The following LINGO2 variants were observed in gnomAD, a reference collection of about 807,000 sequenced individuals.
The protein encoded by LINGO2 is leucine rich repeat and Ig domain containing 2.
LINGO2 carries 14 observed loss-of-function variants against 30.6 expected under a neutral mutation model. That is an observed-to-expected ratio of 0.46 (90% CI 0.30 to 0.72). The LOEUF is 0.72. LINGO2 is among the 30% of genes least tolerant of loss of function. The probability of loss-of-function intolerance (pLI) is 0.07; values close to 1 mark genes in which losing one functional copy is unlikely to be tolerated. For missense variants in LINGO2, 729 were observed against 751.7 expected (o/e 0.97, Z 0.35); for synonymous variants, 317 against 288.5 (o/e 1.10, Z -1.00).
At chr9:28,035,514 T>TTA (rs1823886541) in intron 4 of LINGO2, among the ~76,000 whole-genome samples, 2 of 152,224 alleles carry the variant, frequency 1.3e-5, no homozygotes, top group Non-Finnish European at 2.9e-5. Flanking sequence ...AATGAAATAG[T>TTA]CGAATTTTTG....
At chr9:28,990,706 C>T in the LINGO2 span, among the ~76,000 whole-genome samples, 52 of 152,204 alleles carry the variant, frequency 3.4e-4, no homozygotes, top group Non-Finnish European at 5.6e-4. Flanking sequence ...CACGAAAATC[C>T]GCTGTTCTGC....
intron 4 of LINGO2, among the ~76,000 whole-genome samples, chr9:28,085,001 C>G (rs1336847983): frequency 6.6e-6 from 1 of 152,078 alleles, no homozygotes; most frequent in East Asian, 1.9e-4. Context: ...GAGCATTTTA[C>G]ACATAATATC....
the LINGO2 span, among the ~76,000 whole-genome samples, chr9:28,933,523 T>C: frequency 3.0e-4 from 20 of 66,888 alleles, no homozygotes; most frequent in Non-Finnish European, 6.3e-4. Context: ...ATATAGAATA[T>C]ATCACGAGGC....
At chr9:28,890,134 G>A in the LINGO2 span, among the ~76,000 whole-genome samples, 1 of 152,030 alleles carries the variant, frequency 6.6e-6, no homozygotes, top group Non-Finnish European at 1.5e-5. Context: ...CTTTATTGAA[G>A]AGGTTTAATT....
chr9:29,068,653 C>A, the LINGO2 span, among the ~76,000 whole-genome samples: 2 of 151,788 alleles, frequency 1.3e-5, no homozygotes, highest in Non-Finnish European at 2.9e-5. Context: ...CTTATCTGAT[C>A]AGTGGAGAGC....
intron 4 of LINGO2, among the ~76,000 whole-genome samples, chr9:28,025,809 C>T (rs1266418320): frequency 3.9e-5 from 6 of 152,118 alleles, no homozygotes; most frequent in Non-Finnish European, 7.4e-5. Flanking sequence ...TTGAAGATAT[C>T]GGTGCCACTG....
the LINGO2 span, among the ~76,000 whole-genome samples, chr9:29,190,126 T>G: frequency 3.9e-5 from 6 of 152,244 alleles, no homozygotes; most frequent in African/African-American, 1.2e-4. Flanking sequence ...AACTTCATAC[T>G]TTAAGAAATG....
chr9:29,132,213 G>A, the LINGO2 span, among the ~76,000 whole-genome samples: 142 of 152,062 alleles, frequency 9.3e-4, no homozygotes, highest in African/African-American at 3.2e-3. Flanking sequence ...CGTTCCTCGA[G>A]GGGGGGAAAT....
At chr9:28,574,243 A>G (rs1189133705) in intron 1 of LINGO2, among the ~76,000 whole-genome samples, 1 of 152,176 alleles carries the variant, frequency 6.6e-6, no homozygotes, top group African/African-American at 2.4e-5. Flanking sequence ...ACTCCCCAAA[A>G]TTGTGTGTTA....
chr9:28,979,140 T>A, the LINGO2 span, among the ~76,000 whole-genome samples: 1 of 152,260 alleles, frequency 6.6e-6, no homozygotes, highest in Non-Finnish European at 1.5e-5. Context: ...TTTGTTTCTC[T>A]GTTTTTGTCT....
intron 4 of LINGO2, among the ~76,000 whole-genome samples, chr9:28,249,517 C>A (rs1283824408): frequency 6.6e-6 from 1 of 152,072 alleles, no homozygotes; most frequent in African/African-American, 2.4e-5. Context: ...ATGCACTTTA[C>A]AAAGAAGTTT....
intron 1 of LINGO2, among the ~76,000 whole-genome samples, chr9:28,514,057 C>T (rs1401355336): frequency 6.6e-6 from 1 of 152,110 alleles, no homozygotes; most frequent in East Asian, 1.9e-4. Context: ...ATCTCTGATC[C>T]ACGATCTTTG....
At chr9:28,323,288 A>G (rs1228208290) in intron 3 of LINGO2, among the ~76,000 whole-genome samples, 2 of 152,166 alleles carry the variant, frequency 1.3e-5, no homozygotes. Flanking sequence ...ATATAACTAT[A>G]TTTGCTCTGA....
At chr9:28,822,782 A>G in the LINGO2 span, among the ~76,000 whole-genome samples, 1 of 152,076 alleles carries the variant, frequency 6.6e-6, no homozygotes, top group Non-Finnish European at 1.5e-5. Flanking sequence ...TGAATACTTA[A>G]TAAACTCCCC....
the LINGO2 span, among the ~76,000 whole-genome samples, chr9:29,160,742 A>T: frequency 6.6e-6 from 1 of 152,232 alleles, no homozygotes; most frequent in Non-Finnish European, 1.5e-5. Context: ...AAATGTTGAT[A>T]GTTTTATAAC....
chr9:28,576,212 G>T (rs1167778738), intron 1 of LINGO2, among the ~76,000 whole-genome samples: 5 of 152,196 alleles, frequency 3.3e-5, no homozygotes, highest in African/African-American at 1.2e-4. Context: ...CCTTGTGATT[G>T]CATGGCTGAC....
chr9:28,992,041 A>G, the LINGO2 span, among the ~76,000 whole-genome samples: 2 of 152,212 alleles, frequency 1.3e-5, no homozygotes, highest in Admixed American at 1.3e-4. Context: ...TAAATGGACT[A>G]AATGCTCCAA....
chr9:28,765,997 T>C, the LINGO2 span, among the ~76,000 whole-genome samples: 2 of 151,950 alleles, frequency 1.3e-5, no homozygotes, highest in African/African-American at 4.8e-5. Context: ...GTAAAAAGCC[T>C]TAAAAAACAG....
At chr9:28,859,329 C>T in the LINGO2 span, among the ~76,000 whole-genome samples, 1 of 151,988 alleles carries the variant, frequency 6.6e-6, no homozygotes, top group Non-Finnish European at 1.5e-5. Flanking sequence ...AGTTACACCA[C>T]TTAAGTATAC....
Sources: allele counts gnomAD v4.1 joint callset (sites outside exome capture counted in the v4.1 genomes callset), GRCh38; gene constraint gnomAD v4.1.1; transcripts MANE v1.5; gene names NCBI Gene and HGNC (gene_info 2026-07-23, HGNC 2026-07-21).